Variants in TAFA2 observed in about 807,000 individuals in gnomAD.
TAFA2 encodes chemokine-like protein TAFA-2.
TAFA2 carries 7 observed loss-of-function variants against 18.8 expected under a neutral mutation model. That is an observed-to-expected ratio of 0.37 (90% CI 0.21 to 0.70). The LOEUF (loss-of-function observed/expected upper bound fraction) is 0.70, where lower values mean the gene tolerates loss of function less well. TAFA2 is among the 30% of genes least tolerant of loss of function. The probability of loss-of-function intolerance (pLI) is 0.53; values close to 1 mark genes in which losing one functional copy is unlikely to be tolerated. For missense variants in TAFA2, 122 were observed against 158.1 expected (o/e 0.77, Z 1.23); for synonymous variants, 60 against 54.2 (o/e 1.11, Z -0.47).
intron 2 of TAFA2, among the ~76,000 whole-genome samples, chr12:61,820,597 A>G (rs1447888785): frequency 6.6e-6 from 1 of 152,014 alleles, no homozygotes; most frequent in African/African-American, 2.4e-5. Context: ...AAAGAAATAA[A>G]AAAAGATAAT....
chr12:62,147,326 GTATATATATATATATATATATA>G (rs1219861920), intron 1 of TAFA2, among the ~76,000 whole-genome samples: 324 of 19,552 alleles, frequency 0.017, 11 homozygotes, highest in African/African-American at 0.038. Flanking sequence ...GTGTATGTAT[GTATATATATATATATATATATA>G]TATATATATA....
At chr12:61,801,457 T>A (rs1438961147) in intron 2 of TAFA2, among the ~76,000 whole-genome samples, 1 of 151,954 alleles carries the variant, frequency 6.6e-6, no homozygotes, top group Non-Finnish European at 1.5e-5. Flanking sequence ...ATAATTCACA[T>A]ATTTACTGCC....
chr12:61,737,289 G>C (rs1868320139), intron 4 of TAFA2, among the ~76,000 whole-genome samples: 2 of 151,574 alleles, frequency 1.3e-5, no homozygotes, highest in Non-Finnish European at 2.9e-5. Flanking sequence ...AAAATTTTCT[G>C]ATTTTGCCTA....
At chr12:61,890,156 T>G (rs1428987001) in intron 1 of TAFA2, among the ~76,000 whole-genome samples, 2 of 152,256 alleles carry the variant, frequency 1.3e-5, no homozygotes, top group Non-Finnish European at 2.9e-5. Context: ...CTTTGCTGAG[T>G]GTAGGCTTCC....
intron 1 of TAFA2, among the ~76,000 whole-genome samples, chr12:62,078,212 T>C (rs983939915): frequency 6.6e-6 from 1 of 152,080 alleles, no homozygotes. Context: ...TGCCCCCTCC[T>C]AACTTACCCG....
At chr12:61,943,706 A>C (rs1234773666) in intron 1 of TAFA2, among the ~76,000 whole-genome samples, 2 of 152,030 alleles carry the variant, frequency 1.3e-5, no homozygotes, top group African/African-American at 4.8e-5. Flanking sequence ...AGAGACAAAG[A>C]AGGCCATTAC....
intron 1 of TAFA2, among the ~76,000 whole-genome samples, chr12:62,151,895 C>T (rs1247731539): frequency 6.6e-6 from 1 of 152,172 alleles, no homozygotes; most frequent in African/African-American, 2.4e-5. Flanking sequence ...CTATCAGATA[C>T]AGTTACCTAG....
intron 1 of TAFA2, among the ~76,000 whole-genome samples, chr12:62,164,273 T>C (rs966190535): frequency 6.6e-6 from 1 of 152,160 alleles, no homozygotes; most frequent in African/African-American, 2.4e-5. Context: ...AACAACTCTC[T>C]CTCTTGAACA....
chr12:62,196,849 C>T (rs528076388), upstream of TAFA2, among the ~76,000 whole-genome samples: 17 of 152,038 alleles, frequency 1.1e-4, no homozygotes, highest in Non-Finnish European at 2.1e-4. Context: ...TACCACAAAC[C>T]TTAAATTTGT....
chr12:61,883,939 T>A (rs1875256843), intron 1 of TAFA2, among the ~76,000 whole-genome samples: 1 of 152,220 alleles, frequency 6.6e-6, no homozygotes, highest in East Asian at 1.9e-4. Flanking sequence ...TTGCATTAGA[T>A]AACATATGTG....
intron 2 of TAFA2, among the ~76,000 whole-genome samples, chr12:61,822,769 G>C (rs12320922): frequency 0.016 from 2,474 of 152,164 alleles, 64 homozygotes; most frequent in African/African-American, 0.057. Flanking sequence ...TTTGGTGCCA[G>C]CATACTGTCT....
intron 1 of TAFA2, chr12:61,879,874 T>C: frequency 3.2e-6 from 3 of 927,226 alleles, no homozygotes; most frequent in East Asian, 2.4e-5. Flanking sequence ...ATGAGATCAA[T>C]AAGCATACAG....
chr12:61,824,468 G>A (rs973121), intron 2 of TAFA2, among the ~76,000 whole-genome samples: 86,058 of 152,180 alleles, frequency 0.57, 24,991 homozygotes, highest in African/African-American at 0.7. Flanking sequence ...TATAGAGTAT[G>A]TATTAGTGCC....
intron 1 of TAFA2, among the ~76,000 whole-genome samples, chr12:62,026,404 T>A (rs1344597924): frequency 6.6e-6 from 1 of 152,056 alleles, no homozygotes; most frequent in Non-Finnish European, 1.5e-5. Flanking sequence ...TGGATTTGCT[T>A]TTTTCTTGCT....
intron 1 of TAFA2, among the ~76,000 whole-genome samples, chr12:61,950,645 C>T (rs1457760565): frequency 2.6e-5 from 4 of 151,986 alleles, no homozygotes; most frequent in African/African-American, 9.7e-5. Flanking sequence ...TAAGAATTCT[C>T]CATGTATTTT....
intron 1 of TAFA2, among the ~76,000 whole-genome samples, chr12:62,134,092 T>C (rs1870798139): frequency 6.6e-6 from 1 of 151,870 alleles, no homozygotes; most frequent in African/African-American, 2.4e-5. Flanking sequence ...GGACACTCTT[T>C]CTCTTCCCCT....
intron 2 of TAFA2, among the ~76,000 whole-genome samples, chr12:61,856,169 C>T (rs1215057094): frequency 6.6e-6 from 1 of 151,822 alleles, no homozygotes; most frequent in East Asian, 1.9e-4. Flanking sequence ...AAAAAATTAC[C>T]TACAGCTAGT....
At chr12:62,136,020 A>G (rs903277193) in intron 1 of TAFA2, 1 of 152,106 alleles carries the variant, frequency 6.6e-6, no homozygotes, top group Non-Finnish European at 1.5e-5. Flanking sequence ...ATGAGACAAT[A>G]TTTGACTCAT....
chr12:61,739,300 C>T (rs766948209), intron 4 of TAFA2, among the ~76,000 whole-genome samples: 2 of 151,894 alleles, frequency 1.3e-5, no homozygotes, highest in Non-Finnish European at 2.9e-5. Context: ...TGCACAGTTA[C>T]CTCAAATGGT....
Sources: allele counts gnomAD v4.1 joint callset (sites outside exome capture counted in the v4.1 genomes callset), GRCh38; gene constraint gnomAD v4.1.1; transcripts MANE v1.5; gene names NCBI Gene and HGNC (gene_info 2026-07-23, HGNC 2026-07-21).